The following SLC13A4 variants were observed in gnomAD, a reference collection of about 807,000 sequenced individuals.
The protein encoded by SLC13A4 is solute carrier family 13 member 4, also known as Na(+)/sulfate cotransporter SUT-1.
A neutral mutation model predicts 72.7 loss-of-function variants in SLC13A4; 28 were observed. The observed-to-expected ratio is 0.39, with a 90% CI of 0.29 to 0.53. SLC13A4 has a LOEUF of 0.53. Ranked by LOEUF, SLC13A4 falls within the 20% of genes least tolerant of loss-of-function variation. The pLI is 0.78. For synonymous variants in SLC13A4, 312 were observed against 325.5 expected (o/e 0.96, Z 0.45); for missense variants, 653 against 788.0 (o/e 0.83, Z 2.05).
rs373822143 is a variant in SLC13A4 at position 135,706,336 on chromosome 7, G to A, written c.366-36C>T. 1.7e-3 allele frequency: 2,670 copies of A among 1,565,594 alleles called. 7 individuals are homozygous for A. The highest frequency in any genetic ancestry group is 2.0e-3 in the Non-Finnish European group (2,347 of 1,150,648). On this transcript the variant is annotated intron_variant, in intron 3 of 15. Transcript: ENST00000682651. Reference sequence around the variant, plus strand: ...GGGAGGGTTGGGGCAGAGCGTCCACGGAACACACATCCCTGCGGCTCCACA... The same window carrying A: ...GGGAGGGTTGGGGCAGAGCGTCCACAGAACACACATCCCTGCGGCTCCACA...
intron 8 of SLC13A4, among the ~76,000 whole-genome samples, chr7:135,698,634 C>CTT (rs35575379): frequency 4.7e-5 from 5 of 107,368 alleles, no homozygotes; most frequent in Admixed American, 2.0e-4. Context: ...CGTGCTGGGA[C>CTT]TTTTTTTTTT....
intron 5 of SLC13A4, chr7:135,704,243 AG>A (rs1319663102): frequency 6.6e-6 from 1 of 152,446 alleles, no homozygotes; most frequent in Admixed American, 6.5e-5. Flanking sequence ...CAGGCCCTGG[AG>A]GGTGGCGTGA....
At chr7:135,725,438 G>C (rs1796635352) in intron 1 of SLC13A4, among the ~76,000 whole-genome samples, 1 of 152,162 alleles carries the variant, frequency 6.6e-6, no homozygotes, top group African/African-American at 2.4e-5. Flanking sequence ...GCTGTCTCTT[G>C]TACCCTCTTC....
At chr7:135,697,329 C>T (rs1795925362) in intron 8 of SLC13A4, among the ~76,000 whole-genome samples, 1 of 152,222 alleles carries the variant, frequency 6.6e-6, no homozygotes, top group Non-Finnish European at 1.5e-5. Flanking sequence ...TTTTCCAACA[C>T]CCCATACTTC....
chr7:135,694,412 G>C (rs996674971), intron 9 of SLC13A4, among the ~76,000 whole-genome samples, 174 bp from the exon 10 acceptor site: 3 of 152,024 alleles, frequency 2.0e-5, no homozygotes, highest in Non-Finnish European at 4.4e-5. Context: ...CAAGTTATCC[G>C]GCCTCTCATC....
intron 5 of SLC13A4, 146 bp downstream of exon 5, chr7:135,705,450 T>A (rs1584730295): frequency 3.9e-6 from 2 of 517,580 alleles, no homozygotes; most frequent in African/African-American, 8.5e-5. Context: ...ATGGGGGAGG[T>A]TGGGCGGGGT....
chr7:135,702,724 A>T, intron 6 of SLC13A4, 121 bp downstream of exon 6: 1 of 827,258 alleles, frequency 1.2e-6, no homozygotes, highest in South Asian at 1.4e-5. Flanking sequence ...TCCTCACTGA[A>T]AGGAACTCTA....
At chr7:135,709,414 T>C (rs1796246391) in intron 2 of SLC13A4, among the ~76,000 whole-genome samples, 1 of 128,730 alleles carries the variant, frequency 7.8e-6, no homozygotes, top group African/African-American at 2.8e-5. Flanking sequence ...TTCCTTTCTT[T>C]CTTTTTTTTT....
At chr7:135,692,087 A>G in intron 11 of SLC13A4, 1 of 537,240 alleles carries the variant, frequency 1.9e-6, no homozygotes, top group Non-Finnish European at 3.3e-6. Context: ...TGAGGTAACC[A>G]AGCTTCCAAG....
At chr7:135,714,047 TG>T (rs1796362578) in intron 2 of SLC13A4, among the ~76,000 whole-genome samples, 1 of 152,192 alleles carries the variant, frequency 6.6e-6, no homozygotes, top group Admixed American at 6.5e-5. Context: ...CCACCTTCCC[TG>T]GGGGCAGGAA....
At chr7:135,685,795 C>A in intron 13 of SLC13A4, 112 bp from the exon 14 acceptor site, 1 of 938,126 alleles carries the variant, frequency 1.1e-6, no homozygotes, top group Admixed American at 2.2e-5. Context: ...CAGGGATCCT[C>A]TGATCTTTAG....
chr7:135,705,963 G>A, intron 4 of SLC13A4, 165 bp downstream of exon 4: 1 of 630,264 alleles, frequency 1.6e-6, no homozygotes, highest in Admixed American at 2.9e-5. Context: ...TCCAAGAGCT[G>A]GGATGGGAAA....
At chr7:135,681,800 G>A (rs148990616) in intron 15 of SLC13A4, 100 bp from the exon 16 acceptor site, 22,072 of 1,507,962 alleles carry the variant, frequency 0.015, 208 homozygotes, top group Middle Eastern at 0.019. Flanking sequence ...TTGTGGCCCA[G>A]ATTAGTTCCC....
intron 2 of SLC13A4, among the ~76,000 whole-genome samples, chr7:135,714,732 A>G (rs1170371273): frequency 5.9e-5 from 9 of 152,230 alleles, no homozygotes; most frequent in Admixed American, 2.0e-4. Context: ...CAGGGTAACG[A>G]GTCAGAGGGC....
rs534019118 is a variant in SLC13A4 at position 135,706,855 on chromosome 7, G to C, written c.366-555C>G. 5.9e-5 allele frequency among the ~76,000 whole-genome samples: 9 copies of C among 152,222 alleles called. 1 individual carries two copies. The highest frequency in any genetic ancestry group is 3.9e-4 in the Admixed American group (6 of 15,282). ...AGTCACAGAAGTGTCCCGTGTCACT[G>C]TGTGCACTTTTCCAGCTGACATCTT... On this transcript the variant is annotated intron_variant, in intron 3 of 15. Coordinates refer to ENST00000682651, the MANE Select transcript of SLC13A4 (RefSeq NM_001318192.2).
At chr7:135,722,809 C>T (rs1420094540) in intron 1 of SLC13A4, among the ~76,000 whole-genome samples, 2 of 152,088 alleles carry the variant, frequency 1.3e-5, no homozygotes, top group African/African-American at 2.4e-5. Flanking sequence ...CCAAAGGCCC[C>T]TGTAAGAGTT....
intron 4 of SLC13A4, 171 bp from the exon 5 acceptor site, chr7:135,705,821 C>T: frequency 1.6e-6 from 1 of 629,284 alleles, no homozygotes; most frequent in Non-Finnish European, 2.8e-6. Flanking sequence ...AGACTGGCCC[C>T]AGGGTTTTGC....
chr7:135,681,884 T>G (rs1795510412), intron 15 of SLC13A4, among the ~76,000 whole-genome samples, 184 bp from the exon 16 acceptor site: 1 of 152,176 alleles, frequency 6.6e-6, no homozygotes, highest in African/African-American at 2.4e-5. Flanking sequence ...AAGGGACAAT[T>G]AGAGTCATCT....
rs10563133 is a variant in SLC13A4 at position 135,698,334 on chromosome 7, C to CTT, written c.899+1028_899+1029dup. 9.8e-4 allele frequency among the ~76,000 whole-genome samples: 102 copies of CTT among 104,378 alleles called. No homozygotes were observed. In the South Asian group the frequency reaches 0.02, roughly 21 times the overall value. The allele number at this position is 104,378 out of a possible 152,430, so 68.5% of individuals were successfully genotyped here. ...AGGTGTGAGCCACCGTGCTGGGACT[C>CTT]TTTTTTTTTTTTTTTTTTGAAGCGG... On this transcript the variant is annotated intron_variant, in intron 8 of 15. Coordinates refer to ENST00000682651, the MANE Select transcript of SLC13A4 (RefSeq NM_001318192.2).
Sources: allele counts gnomAD v4.1 joint callset (sites outside exome capture counted in the v4.1 genomes callset), GRCh38; gene constraint gnomAD v4.1.1; transcripts MANE v1.5; gene names NCBI Gene and HGNC (gene_info 2026-07-23, HGNC 2026-07-21).